The following ARID2 variants were observed in gnomAD, a reference collection of about 807,000 sequenced individuals.
ARID2 encodes AT-rich interaction domain 2.
ARID2 carries 32 observed loss-of-function variants against 184.6 expected under a neutral mutation model. The ratio of observed to expected loss-of-function variants is 0.17; its 90% confidence interval spans 0.13 to 0.23. The LOEUF (loss-of-function observed/expected upper bound fraction) is 0.23. Among genes scored for constraint, ARID2 ranks in the 10% least tolerant of loss-of-function variants. The pLI is 1.00. For missense variants in ARID2, 1,696 were observed against 2,197.6 expected, an observed-to-expected ratio of 0.77 and a Z score of 4.56; for synonymous variants, 836 against 772.6, an observed-to-expected ratio of 1.08 and a Z score of -1.36.
chr12:45,818,048 T>C (rs1942838504), intron 5 of ARID2, among the ~76,000 whole-genome samples, 160 bp downstream of exon 5: 1 of 152,152 alleles, frequency 6.6e-6, no homozygotes, highest in African/African-American at 2.4e-5. Context: ...TGGGGGGTTT[T>C]AACCTTAAAT....
Position 45,839,487 on chromosome 12 carries a change from T to C in ARID2, c.1489T>C (p.Ser497Pro), listed in dbSNP as rs910616933. Residue 497 changes from serine to proline, a missense_variant, in exon 11 of 21, where the codon TCT (serine) becomes CCT (proline). This residue lies in a region of ARID2 where 713 missense variants were observed against 824.4 expected (regional missense o/e 0.86). Transcript: ENST00000334344. ...AGTCCAAACCCAGACTCATGTAGCA[T>C]CTGCCCCAGGTTAGTGTTTTCACAT... ...EQVQTQTHVA[S>P]APASRAVVAQ... The C allele has an allele frequency of 3.1e-6, 5 of 1,611,632 alleles. No homozygotes were observed. In the Admixed American group the frequency reaches 6.7e-5, roughly 22 times the overall value.
chr12:45,748,733 C>A (rs1331941379), intron 3 of ARID2, among the ~76,000 whole-genome samples: 1 of 152,152 alleles, frequency 6.6e-6, no homozygotes. Context: ...TGTTCTAAAT[C>A]CTTTGTTGTC....
intron 16 of ARID2, among the ~76,000 whole-genome samples, chr12:45,890,089 CTAGAG>C (rs1483262381): frequency 6.6e-6 from 1 of 151,938 alleles, no homozygotes; most frequent in East Asian, 1.9e-4. Context: ...GCTTTTATGA[CTAGAG>C]TAGTTAGATA....
chr12:45,760,112 G>C (rs1021292498), intron 3 of ARID2, among the ~76,000 whole-genome samples: 4 of 152,114 alleles, frequency 2.6e-5, no homozygotes, highest in African/African-American at 9.7e-5. Context: ...ATTATAATCA[G>C]AATTTTTTCT....
Position 45,848,932 on chromosome 12 carries a change from T to C in ARID2, c.1677T>C (p.Gly559=), listed in dbSNP as rs1441700284. The part of the protein sequence containing the change: ...YLSTCSKLAR[G]GILTSTGFYK... ...CGACTTGCAGTAAATTAGCTCGTGG[T>C]GGAATCCTAACATCAACTGGATTTT... The change falls in exon 13 of 21, where the codon GGT becomes GGC. Residue 559 remains glycine (G), a synonymous_variant. Coordinates refer to ENST00000334344, the MANE Select transcript of ARID2 (RefSeq NM_152641.4). 1.2e-6 allele frequency: 2 copies of C among 1,612,570 alleles called. No homozygotes were observed. Among genetic ancestry groups the C allele is most frequent in the African/African-American group, 2.7e-5 (2 of 74,854 alleles).
chr12:45,861,481 A>G (rs762533929), intron 16 of ARID2, among the ~76,000 whole-genome samples: 5 of 152,140 alleles, frequency 3.3e-5, no homozygotes. Flanking sequence ...CTTGAAAAGA[A>G]TGTTGGTTAA....
chr12:45,746,723 A>G (rs963461842), intron 3 of ARID2, among the ~76,000 whole-genome samples: 3 of 152,168 alleles, frequency 2.0e-5, no homozygotes, highest in South Asian at 2.1e-4. Context: ...AAACAGGACA[A>G]AGGTGTTTAA....
intron 3 of ARID2, among the ~76,000 whole-genome samples, chr12:45,778,113 A>C: frequency 6.6e-6 from 1 of 152,116 alleles, no homozygotes. Context: ...GGGCCGGGGC[A>C]GTGGAATCGC....
At chr12:45,784,056 TGTA>T (rs1942146564) in intron 3 of ARID2, among the ~76,000 whole-genome samples, 1 of 152,194 alleles carries the variant, frequency 6.6e-6, no homozygotes, top group South Asian at 2.1e-4. Context: ...GTGGCAAGAT[TGTA>T]GCTCACTGTA....
chr12:45,876,779 C>T lies in ARID2; in HGVS notation c.4923-15001C>T, dbSNP rs182302623. Among the ~76,000 whole-genome samples, 49 of 149,550 alleles carry T rather than the reference C, an allele frequency of 3.3e-4. 1 individual carries two copies. Among genetic ancestry groups the T allele is most frequent in the African/African-American group, 1.2e-3 (48 of 40,658 alleles). The stretch of plus-strand genomic sequence containing the variant: ...ATAGTCTTGCTTGTCACAGGGTTGC[C>T]ACAAACCTTCAATTAAAAAAAAAAA... On this transcript the variant is annotated intron_variant, in intron 16 of 20. Coordinates refer to ENST00000334344, the MANE Select transcript of ARID2 (RefSeq NM_152641.4).
chr12:45,757,566 G>A (rs1464171636), intron 3 of ARID2, among the ~76,000 whole-genome samples: 1 of 152,202 alleles, frequency 6.6e-6, no homozygotes, highest in Non-Finnish European at 1.5e-5. Flanking sequence ...GATTGATCAT[G>A]ATCACAGAGA....
At position 45,905,160 on chromosome 12, in the gene ARID2, A is replaced by G. The variant is rs755431299; in HGVS notation, c.*82A>G. The G allele has an allele frequency of 9.2e-6, 13 of 1,417,224 alleles. No individual in the cohort carries two copies. Among genetic ancestry groups the G allele is most frequent in the Non-Finnish European group, 1.2e-5 (13 of 1,045,084 alleles). 87.8% of individuals were successfully genotyped at this position (1,417,224 alleles called of 1,614,324 possible). On this transcript the variant is annotated 3_prime_UTR_variant, in exon 21 of 21. Coordinates refer to ENST00000334344, the MANE Select transcript of ARID2 (RefSeq NM_152641.4). ...TTACTGAAGAAAGCACCAAGTCTTA[A>G]TGGAACAAAGACCATAGAATGAATT...
Position 45,793,543 on chromosome 12 carries a change from CTG to C in ARID2, c.285-17855_285-17854del, listed in dbSNP as rs544399975. Among the ~76,000 whole-genome samples, 288 of 147,964 alleles carry C rather than the reference CTG, an allele frequency of 1.9e-3. 4 individuals are homozygous for C. Among genetic ancestry groups the C allele is most frequent in the Admixed American group, 0.012 (176 of 14,754 alleles). ...TATATATATAACTGCCTTTATGTAA[CTG>C]TGTGTGTGTGTGTGTGTGTATATGT... On this transcript the variant is annotated intron_variant, in intron 3 of 20. Transcript: ENST00000334344.
intron 5 of ARID2, among the ~76,000 whole-genome samples, chr12:45,819,747 G>T (rs1281641288): frequency 3.5e-5 from 5 of 143,470 alleles, no homozygotes; most frequent in African/African-American, 7.6e-5. Context: ...GTTTTTTTGG[G>T]TTTTTTTTTT....
chr12:45,889,106 C>G (rs574586914), intron 16 of ARID2, among the ~76,000 whole-genome samples: 1 of 152,290 alleles, frequency 6.6e-6, no homozygotes, highest in South Asian at 2.1e-4. Context: ...CACTTGAACT[C>G]AGGAGATACA....
intron 16 of ARID2, among the ~76,000 whole-genome samples, chr12:45,867,296 A>G (rs529676428): frequency 6.6e-6 from 1 of 151,676 alleles, no homozygotes; most frequent in South Asian, 2.1e-4. Context: ...TCTGTCATCC[A>G]TGCTAGAGTT....
intron 16 of ARID2, among the ~76,000 whole-genome samples, chr12:45,868,229 T>G (rs1943862040): frequency 6.6e-6 from 1 of 152,132 alleles, no homozygotes; most frequent in Non-Finnish European, 1.5e-5. Flanking sequence ...TCACTTGAGG[T>G]CAGGAGTTCG....
chr12:45,895,113 G>A (rs1474661203), intron 20 of ARID2, among the ~76,000 whole-genome samples: 1 of 152,078 alleles, frequency 6.6e-6, no homozygotes, highest in African/African-American at 2.4e-5. Context: ...TTTATAACAT[G>A]TCTGTCTTAA....
chr12:45,758,451 ATTC>A (rs143569072), intron 3 of ARID2, among the ~76,000 whole-genome samples: 2,139 of 152,106 alleles, frequency 0.014, 54 homozygotes, highest in African/African-American at 0.049. Context: ...GCCTAAGGCA[ATTC>A]TTCTTCCAGT....
Sources: gnomAD v4.1 joint callset for allele counts (sites outside exome capture counted in the v4.1 genomes callset) on GRCh38, gnomAD v4.1.1 for gene constraint, gnomAD v4.1.1 regional missense constraint, MANE v1.5 for transcripts, NCBI Gene and HGNC (gene_info 2026-07-23, HGNC 2026-07-21) for gene names.